AAMDC: variants seen among roughly 807,000 people sequenced by gnomAD.
AAMDC encodes adipogenesis associated Mth938 domain containing.
A neutral mutation model predicts 15.5 loss-of-function variants in AAMDC; 16 were observed. The ratio of observed to expected loss-of-function variants is 1.03; its 90% CI spans 0.70 to 1.57. The LOEUF (loss-of-function observed/expected upper bound fraction) is 1.57, where lower values mean the gene tolerates loss of function less well. Ranked by LOEUF, AAMDC falls within the 40% of genes most tolerant of loss-of-function variation. The probability of loss-of-function intolerance (pLI) is 0.00; values close to 1 mark genes in which losing one functional copy is unlikely to be tolerated. For missense variants in AAMDC, 141 were observed against 144.9 expected, an observed-to-expected ratio of 0.97 and a Z score of 0.14; for synonymous variants, 51 against 51.6, an observed-to-expected ratio of 0.99 and a Z score of 0.05.
rs1172159740 is a variant in AAMDC, at chr11:77,842,488, A to G, written c.-9A>G. 1 of 1,612,380 alleles carries G rather than the reference A, an allele frequency of 6.2e-7. No homozygotes were observed. The highest frequency in any genetic ancestry group is 8.5e-7 in the Non-Finnish European group (1 of 1,179,666). On this transcript the variant is annotated 5_prime_UTR_variant, in exon 2 of 4. Transcript: ENST00000393427. ...TTTCTTTTAATTTCAGACTTCAGTG[A>G]AGTTCCTTATGACTTCCCCTGAAAT... is the stretch of plus-strand genomic sequence containing the variant.
At chr11:77,853,121 T>A (rs985755005) in intron 2 of AAMDC, among the ~76,000 whole-genome samples, 1 of 152,216 alleles carries the variant, frequency 6.6e-6, no homozygotes, top group Non-Finnish European at 1.5e-5. Flanking sequence ...CAAATTCCCC[T>A]TTTTGGGGGT....
At position 77,826,506 on chromosome 11, in the gene AAMDC, T is replaced by C. The variant is rs1256554041; in HGVS notation, c.-19+5265T>C. On this transcript the variant is annotated intron_variant, in intron 1 of 3. Coordinates refer to ENST00000393427, the MANE Select transcript of AAMDC (RefSeq NM_024684.4). ...ACATCCTATACAGCAAGGCCTGATA[T>C]TCACTTGTATGAACCAGAAAGGCTG... 3.3e-5 allele frequency among the ~76,000 whole-genome samples: 5 copies of C among 152,200 alleles called. No individual in the cohort carries two copies. In the East Asian group the frequency reaches 9.6e-4, roughly 29 times the overall value.
intron 5 of AAMDC, chr11:77,884,864 C>T (rs1333569108): frequency 3.0e-6 from 1 of 335,364 alleles, no homozygotes; most frequent in African/African-American, 2.1e-5. Context: ...AAGTGATCTT[C>T]CTGCCTCAGC....
chr11:77,898,803 T>A (rs1204804419), intron 5 of AAMDC, among the ~76,000 whole-genome samples: 1 of 152,106 alleles, frequency 6.6e-6, no homozygotes, highest in Non-Finnish European at 1.5e-5. Flanking sequence ...GTGGATCACT[T>A]GAGGCCAGGA....
At chr11:77,893,348 G>A (rs1245272224) in intron 5 of AAMDC, among the ~76,000 whole-genome samples, 1 of 152,208 alleles carries the variant, frequency 6.6e-6, no homozygotes, top group African/African-American at 2.4e-5. Context: ...GTTCACACCT[G>A]TAATCCCAAT....
At chr11:77,896,220 T>C (rs949839959) in intron 5 of AAMDC, among the ~76,000 whole-genome samples, 5 of 149,214 alleles carry the variant, frequency 3.4e-5, no homozygotes, top group Non-Finnish European at 7.4e-5. Context: ...AGAGAAACTA[T>C]ACAGAAAAAA....
At chr11:77,872,458 C>A, downstream of AAMDC, 2 of 961,054 alleles carry the variant, frequency 2.1e-6, no homozygotes, top group Non-Finnish European at 2.9e-6. Flanking sequence ...GCAGGGATGA[C>A]CAAGACAAGG....
intron 2 of AAMDC, among the ~76,000 whole-genome samples, chr11:77,854,125 G>T (rs1164252795): frequency 6.6e-6 from 1 of 151,522 alleles, no homozygotes; most frequent in East Asian, 2.0e-4. Flanking sequence ...TGAGTAGCTG[G>T]GACTACAGGC....
At chr11:77,842,063 T>A (rs1441003246) in intron 1 of AAMDC, among the ~76,000 whole-genome samples, 1 of 152,228 alleles carries the variant, frequency 6.6e-6, no homozygotes, top group Non-Finnish European at 1.5e-5. Context: ...GCGATCTTCA[T>A]GAATAAGCAT....
At chr11:77,893,893 A>AAATAAATT (rs1952391118) in intron 5 of AAMDC, among the ~76,000 whole-genome samples, 1 of 143,988 alleles carries the variant, frequency 6.9e-6, no homozygotes, top group Admixed American at 6.8e-5. Flanking sequence ...ACTCTGTCTT[A>AAATAAATT]AATAAATAAA....
chr11:77,891,670 T>C (rs755540771), intron 5 of AAMDC: 10 of 1,611,790 alleles, frequency 6.2e-6, no homozygotes, highest in African/African-American at 2.7e-5. Flanking sequence ...AGGGGCCAAA[T>C]AGACCCTGAC....
chr11:77,862,392 G>T (rs563650385), intron 2 of AAMDC, among the ~76,000 whole-genome samples: 1 of 152,298 alleles, frequency 6.6e-6, no homozygotes, highest in South Asian at 2.1e-4. Flanking sequence ...AGCCATCAGG[G>T]TTATCTGAGA....
downstream of AAMDC, among the ~76,000 whole-genome samples, chr11:77,904,120 A>T (rs1484045513): frequency 6.6e-6 from 1 of 152,200 alleles, no homozygotes; most frequent in Non-Finnish European, 1.5e-5. Context: ...ATCTTTCTAC[A>T]TTCAAAACCA....
rs552096159 is a variant in AAMDC, at chr11:77,880,496, ACT to A, written c.328+3448_328+3449del. 5.6e-4 allele frequency among the ~76,000 whole-genome samples: 86 copies of A among 152,344 alleles called. No individual in the cohort carries two copies. In the South Asian group the frequency reaches 0.017, roughly 30 times the overall value. On this transcript the variant is annotated intron_variant, in intron 5 of 5. Coordinates refer to the AAMDC transcript ENST00000304716. ...GGGTCATGCAGCAGCCATGAGTGTA[ACT>A]GTCATGAAACTAACACTGTTCTCTG...
intron 3 of AAMDC, among the ~76,000 whole-genome samples, chr11:77,870,381 A>G (rs1590978069): frequency 8.2e-6 from 1 of 121,244 alleles, no homozygotes; most frequent in Non-Finnish European, 1.6e-5. Flanking sequence ...TCTGTCGCCC[A>G]GGCTGAGTGC....
At chr11:77,843,206 T>C (rs1005338430) in intron 2 of AAMDC, among the ~76,000 whole-genome samples, 1 of 152,246 alleles carries the variant, frequency 6.6e-6, no homozygotes, top group African/African-American at 2.4e-5. Flanking sequence ...TTGTTTTTAT[T>C]AGAACCATCT....
intron 2 of AAMDC, among the ~76,000 whole-genome samples, chr11:77,852,741 A>T (rs2510967): frequency 0.75 from 114,149 of 152,108 alleles, 43,644 homozygotes; most frequent in African/African-American, 0.9. Flanking sequence ...CAAATACAAA[A>T]ATACATATAT....
chr11:77,866,140 G>A (rs1951097497), intron 2 of AAMDC, among the ~76,000 whole-genome samples: 1 of 152,202 alleles, frequency 6.6e-6, no homozygotes, highest in African/African-American at 2.4e-5. Context: ...TGGAAGAGTA[G>A]TTTAGGAATG....
chr11:77,891,016 T>C (rs1952239125), intron 5 of AAMDC, among the ~76,000 whole-genome samples: 3 of 152,344 alleles, frequency 2.0e-5, no homozygotes, highest in South Asian at 4.1e-4. Flanking sequence ...ATTACAAGAT[T>C]AGAAAAGGTC....
Sources: gnomAD v4.1 joint callset for allele counts (sites outside exome capture counted in the v4.1 genomes callset) on GRCh38, gnomAD v4.1.1 for gene constraint, MANE v1.5 for transcripts, NCBI Gene and HGNC (gene_info 2026-07-23, HGNC 2026-07-21) for gene names.